Variants in RIN2 observed in about 807,000 individuals in gnomAD.
RIN2 encodes Ras and Rab interactor 2.
RIN2 carries 36 observed loss-of-function variants against 78.0 expected under a neutral mutation model. That is an observed-to-expected ratio of 0.46 (90% CI 0.35 to 0.61). RIN2 has a LOEUF of 0.61. Among genes scored for constraint, RIN2 ranks in the 20% least tolerant of loss-of-function variants. RIN2 has a pLI of 0.00. For missense variants in RIN2, 1,087 were observed against 1,159.7 expected (o/e 0.94, Z 0.91); for synonymous variants, 466 against 466.8 (o/e 1.00, Z 0.02).
chr20:19,809,086 T>G (rs996779524), intron 2 of RIN2: 2 of 152,348 alleles, frequency 1.3e-5, no homozygotes, highest in Admixed American at 6.5e-5. Context: ...CATCAGGACC[T>G]AGGTGAGCTT....
intron 1 of RIN2, among the ~76,000 whole-genome samples, chr20:19,777,925 A>G (rs1405179825): frequency 6.6e-6 from 1 of 152,254 alleles, no homozygotes; most frequent in South Asian, 2.1e-4. Context: ...CAATCAACAC[A>G]TGCTACAATC....
chr20:19,968,672 A>T (rs2042013097), intron 7 of RIN2, among the ~76,000 whole-genome samples: 1 of 152,242 alleles, frequency 6.6e-6, no homozygotes, highest in Non-Finnish European at 1.5e-5. Flanking sequence ...AGCTCCAGGT[A>T]CTGCATTGAG....
At chr20:19,809,652 G>A (rs936770287) in intron 2 of RIN2, 3 of 152,174 alleles carry the variant, frequency 2.0e-5, no homozygotes, top group Admixed American at 2.0e-4. Context: ...CTCTCTGCAG[G>A]GTGCAAGGGC....
intron 4 of RIN2, 27 bp downstream of exon 4, chr20:19,935,226 G>T: frequency 6.4e-7 from 1 of 1,561,510 alleles, no homozygotes; most frequent in Non-Finnish European, 8.7e-7. Flanking sequence ...TTAGGTGATG[G>T]GTGCGAGAAA....
At chr20:19,903,781 A>G (rs538629500) in intron 3 of RIN2, among the ~76,000 whole-genome samples, 1 of 152,340 alleles carries the variant, frequency 6.6e-6, no homozygotes, top group Admixed American at 6.5e-5. Flanking sequence ...AGGTTTCTCC[A>G]ACTATCTCTG....
At chr20:19,920,868 T>C (rs2039887941) in intron 3 of RIN2, among the ~76,000 whole-genome samples, 3 of 152,206 alleles carry the variant, frequency 2.0e-5, no homozygotes, top group Admixed American at 2.0e-4. Flanking sequence ...AGACGGGGTT[T>C]CACCATGTTG....
chr20:19,817,096 A>G (rs569821789), intron 2 of RIN2, among the ~76,000 whole-genome samples: 1 of 152,352 alleles, frequency 6.6e-6, no homozygotes, highest in South Asian at 2.1e-4. Flanking sequence ...CTTGCCTTCC[A>G]TAATGGGGAA....
At chr20:19,920,387 G>A (rs1039705284) in intron 3 of RIN2, among the ~76,000 whole-genome samples, 2 of 152,164 alleles carry the variant, frequency 1.3e-5, no homozygotes, top group Non-Finnish European at 2.9e-5. Context: ...GCCACAGGCA[G>A]GAGTATGGTG....
intron 4 of RIN2, among the ~76,000 whole-genome samples, chr20:19,943,897 G>C (rs1284721709): frequency 1.4e-5 from 2 of 147,816 alleles, no homozygotes; most frequent in Non-Finnish European, 3.0e-5. Flanking sequence ...GCCGTGTCCA[G>C]AATAATGGAT....
intron 10 of RIN2, among the ~76,000 whole-genome samples, chr20:19,991,544 A>C (rs186165640): frequency 6.6e-6 from 1 of 152,234 alleles, no homozygotes; most frequent in Non-Finnish European, 1.5e-5. Context: ...GACAGTGCCA[A>C]ATGTCCCCTG....
chr20:19,790,945 T>A (rs2034870517), intron 1 of RIN2, among the ~76,000 whole-genome samples: 1 of 152,226 alleles, frequency 6.6e-6, no homozygotes, highest in Non-Finnish European at 1.5e-5. Flanking sequence ...CCCCAAGGGC[T>A]AAGCAGTGTT....
At chr20:19,766,003 G>A (rs1178058893) in intron 1 of RIN2, among the ~76,000 whole-genome samples, 4 of 152,232 alleles carry the variant, frequency 2.6e-5, no homozygotes, top group African/African-American at 2.4e-5. Flanking sequence ...TGACGGAGGC[G>A]CTTTATTAGG....
intron 2 of RIN2, chr20:19,886,636 G>A (rs773245882): frequency 3.6e-6 from 2 of 550,008 alleles, no homozygotes; most frequent in Non-Finnish European, 5.8e-6. Context: ...TTTTTTGCTA[G>A]CTTTTAGCTA....
At position 19,982,531 on chromosome 20, in the gene RIN2, G is replaced by A. The variant is rs529379239; in HGVS notation, c.1762+6744G>A. On this transcript the variant is annotated intron_variant, in intron 9 of 12. Transcript: ENST00000255006. Reference sequence around the variant, plus strand: ...TTTCTTGGCTGAAAGTCAGGGGCGAGTGGTGGCTCAGAGGAAGGGCTCAGG... The same window carrying A: ...TTTCTTGGCTGAAAGTCAGGGGCGAATGGTGGCTCAGAGGAAGGGCTCAGG... Among the ~76,000 whole-genome samples the A allele has an allele frequency of 5.9e-5, 9 of 152,286 alleles. No homozygotes were observed. In the East Asian group the frequency reaches 1.7e-3, roughly 29 times the overall value.
intron 3 of RIN2, among the ~76,000 whole-genome samples, chr20:19,897,262 A>T (rs6081802): frequency 6.6e-6 from 1 of 151,874 alleles, no homozygotes; most frequent in African/African-American, 2.4e-5. Context: ...AACCGCCACC[A>T]TGCCCAGCTA....
At chr20:19,797,129 A>C (rs1396077103) in intron 1 of RIN2, among the ~76,000 whole-genome samples, 1 of 152,218 alleles carries the variant, frequency 6.6e-6, no homozygotes, top group Non-Finnish European at 1.5e-5. Flanking sequence ...CAGCATCAGC[A>C]TAACGCAGGG....
chr20:19,834,148 C>T (rs2036334529), intron 2 of RIN2, among the ~76,000 whole-genome samples: 1 of 152,166 alleles, frequency 6.6e-6, no homozygotes, highest in South Asian at 2.1e-4. Context: ...TTAGTACAGA[C>T]TGTCAGAGCC....
intron 1 of RIN2, among the ~76,000 whole-genome samples, chr20:19,773,019 C>T (rs1322005525): frequency 1.3e-5 from 2 of 152,212 alleles, no homozygotes; most frequent in Non-Finnish European, 2.9e-5. Context: ...TTTATTGTCT[C>T]ACAGTTCTGG....
rs550337002 is a variant in RIN2, at chr20:19,843,655, C to T, written c.-37+43908C>T. Among the ~76,000 whole-genome samples the T allele has an allele frequency of 4.6e-5, 7 of 152,336 alleles. No homozygotes were observed. In the South Asian group the frequency reaches 1.2e-3, roughly 27 times the overall value. ...ATGACTCCCTTTATTGCAATATTCA[C>T]TTTATTGTGATATCTGCTTTATTGT... On this transcript the variant is annotated intron_variant, in intron 2 of 12. Transcript: ENST00000255006.
Sources: gnomAD v4.1 joint callset for allele counts (sites outside exome capture counted in the v4.1 genomes callset) on GRCh38, gnomAD v4.1.1 for gene constraint, MANE v1.5 for transcripts, NCBI Gene and HGNC (gene_info 2026-07-23, HGNC 2026-07-21) for gene names.